Variants in AUTS2 observed in about 807,000 individuals in gnomAD.
The protein encoded by AUTS2 is autism susceptibility gene 2 protein.
Under a neutral mutation model 112.4 loss-of-function variants are expected in AUTS2, and 17 were observed. The ratio of observed to expected loss-of-function variants is 0.15; its 90% CI spans 0.10 to 0.23. The LOEUF is 0.23. AUTS2 is among the 10% of genes least tolerant of loss of function. The pLI, the probability that AUTS2 is intolerant of heterozygous loss-of-function variation, is 1.00. For synonymous variants in AUTS2, 751 were observed against 702.7 expected (o/e 1.07, Z -1.09); for missense variants, 1,510 against 1,701.6 (o/e 0.89, Z 1.98).
chr7:70,698,014 G>A (rs1001005300), intron 5 of AUTS2, among the ~76,000 whole-genome samples: 2 of 152,090 alleles, frequency 1.3e-5, no homozygotes, highest in Non-Finnish European at 2.9e-5. Context: ...GGGGCAGGCC[G>A]GCTTGCATCT....
At chr7:70,298,016 TGGTTTTTTTTG>T (rs536230240) in intron 4 of AUTS2, among the ~76,000 whole-genome samples, 22 of 151,908 alleles carry the variant, frequency 1.4e-4, no homozygotes, top group Non-Finnish European at 5.9e-5. Flanking sequence ...CCTCTTTTTT[TGGTTTTTTTTG>T]GGTTTTTTTT....
chr7:70,548,395 T>C (rs1476743200), intron 5 of AUTS2, among the ~76,000 whole-genome samples: 1 of 152,192 alleles, frequency 6.6e-6, no homozygotes, highest in African/African-American at 2.4e-5. Context: ...ATGCTGACTT[T>C]TGAAGCACAA....
chr7:70,527,451 T>C (rs1462823542), intron 5 of AUTS2, among the ~76,000 whole-genome samples: 5 of 152,114 alleles, frequency 3.3e-5, no homozygotes, highest in African/African-American at 1.2e-4. Context: ...CAGTTTTAAG[T>C]ATAGATCAGC....
intron 1 of AUTS2, among the ~76,000 whole-genome samples, chr7:69,636,784 G>A (rs940605441): frequency 1.3e-5 from 2 of 148,610 alleles, no homozygotes; most frequent in Non-Finnish European, 3.0e-5. Flanking sequence ...ATTTTTTTTT[G>A]AGACGGAGTC....
At chr7:70,589,869 C>T (rs1314832653) in intron 5 of AUTS2, among the ~76,000 whole-genome samples, 1 of 152,136 alleles carries the variant, frequency 6.6e-6, no homozygotes, top group Admixed American at 6.5e-5. Flanking sequence ...TGACAGAGCC[C>T]CTCAGGAAAG....
At position 70,413,308 on chromosome 7, in the gene AUTS2, T is replaced by C. The variant is rs753927972; in HGVS notation, c.661-22444T>C. ...CTAGGCAGGTGGCACCTGTGTCTTATTCCTCTATCCTAAAACAGAGGAGGG... is the reference window on the plus strand; with the variant it reads ...CTAGGCAGGTGGCACCTGTGTCTTACTCCTCTATCCTAAAACAGAGGAGGG... On this transcript the variant is annotated intron_variant, in intron 4 of 18. Transcript: ENST00000342771. 3.1e-4 allele frequency among the ~76,000 whole-genome samples: 47 copies of C among 152,228 alleles called. 1 individual carries two copies. The highest frequency in any genetic ancestry group is 5.6e-4 in the Non-Finnish European group (38 of 68,036).
chr7:69,882,852 G>C (rs62458778), intron 1 of AUTS2, among the ~76,000 whole-genome samples: 4,814 of 152,200 alleles, frequency 0.032, 148 homozygotes, highest in Admixed American at 0.092. Context: ...TCCCACCATT[G>C]TTCCTCCAAT....
intron 2 of AUTS2, among the ~76,000 whole-genome samples, chr7:69,930,381 C>T (rs1274274037): frequency 2.0e-5 from 3 of 152,162 alleles, no homozygotes; most frequent in Admixed American, 2.0e-4. Context: ...AGACTCAACT[C>T]TGTCTCCTCA....
At chr7:70,742,705 T>C (rs1415901875) in intron 6 of AUTS2, among the ~76,000 whole-genome samples, 4 of 152,156 alleles carry the variant, frequency 2.6e-5, no homozygotes, top group Admixed American at 1.3e-4. Flanking sequence ...GAGGTTGCAG[T>C]GAGCCGAGAT....
Position 70,789,841 on chromosome 7 carries a change from G to C in AUTS2, c.2625G>C (p.Gln875His). Residue 875 changes from glutamine (Q) to histidine (H), a missense_variant, in exon 19 of 19, where the codon CAG becomes CAC. This residue lies in a region of AUTS2 where 788 missense variants were observed against 797.6 expected (regional missense o/e 0.99). Coordinates refer to ENST00000342771, the MANE Select transcript of AUTS2 (RefSeq NM_015570.4). ...GACATACCCGCAGCTCCACTGAACA[G>C]ATCCGGGCTCATCTGAACACTGAGG... ...ALGHTRSSTE[Q>H]IRAHLNTEAR... 1 of 1,614,176 alleles carries C rather than the reference G, an allele frequency of 6.2e-7. No homozygotes were observed. The highest frequency in any genetic ancestry group is 8.5e-7 in the Non-Finnish European group (1 of 1,180,040).
intron 5 of AUTS2, among the ~76,000 whole-genome samples, chr7:70,448,692 T>C (rs939899483): frequency 6.6e-6 from 1 of 152,336 alleles, no homozygotes; most frequent in Middle Eastern, 3.4e-3. Flanking sequence ...ATATGTGGAT[T>C]ATTTAGTTGG....
intron 2 of AUTS2, among the ~76,000 whole-genome samples, chr7:69,909,114 A>T (rs1232008844): frequency 6.6e-6 from 1 of 152,230 alleles, no homozygotes; most frequent in Non-Finnish European, 1.5e-5. Flanking sequence ...AGAATCATAA[A>T]ATTGTAACAA....
intron 4 of AUTS2, among the ~76,000 whole-genome samples, chr7:70,366,309 A>G (rs1468976236): frequency 6.6e-6 from 1 of 152,178 alleles, no homozygotes; most frequent in Non-Finnish European, 1.5e-5. Flanking sequence ...GAGAACACAA[A>G]GAAGGACGTA....
chr7:70,476,787 A>C (rs1189261904), intron 5 of AUTS2, among the ~76,000 whole-genome samples: 2 of 152,160 alleles, frequency 1.3e-5, no homozygotes, highest in African/African-American at 4.8e-5. Flanking sequence ...TAGCTCAAAA[A>C]TTTGTTGTAA....
intron 4 of AUTS2, among the ~76,000 whole-genome samples, chr7:70,369,124 G>A (rs564624263): frequency 1.2e-4 from 19 of 152,252 alleles, no homozygotes; most frequent in South Asian, 1.0e-3. Context: ...AAAAGGAAAC[G>A]CACAAAGAAC....
At chr7:70,026,679 G>T (rs554188017) in intron 2 of AUTS2, among the ~76,000 whole-genome samples, 2 of 152,316 alleles carry the variant, frequency 1.3e-5, no homozygotes, top group South Asian at 4.1e-4. Flanking sequence ...TGAGGAGCTT[G>T]ATAGTTAGCA....
At chr7:69,605,069 G>A (rs1792636680) in intron 1 of AUTS2, among the ~76,000 whole-genome samples, 2 of 152,240 alleles carry the variant, frequency 1.3e-5, no homozygotes, top group South Asian at 4.1e-4. Context: ...AAGGCAATGT[G>A]TTGTGCCTAA....
intron 2 of AUTS2, among the ~76,000 whole-genome samples, chr7:69,969,094 A>T (rs1028131890): frequency 2.0e-5 from 3 of 152,098 alleles, no homozygotes; most frequent in Non-Finnish European, 4.4e-5. Flanking sequence ...GAAGCCGACC[A>T]TCCATTGTTT....
chr7:70,473,012 C>G (rs1585186709), intron 5 of AUTS2, among the ~76,000 whole-genome samples: 1 of 152,184 alleles, frequency 6.6e-6, no homozygotes, highest in East Asian at 1.9e-4. Context: ...TAAGTTGGCT[C>G]TTTCCAATCA....
Sources: gnomAD v4.1 joint callset for allele counts (sites outside exome capture counted in the v4.1 genomes callset) on GRCh38, gnomAD v4.1.1 for gene constraint, gnomAD v4.1.1 regional missense constraint, MANE v1.5 for transcripts, NCBI Gene and HGNC (gene_info 2026-07-23, HGNC 2026-07-21) for gene names.